CSMD3: variants seen among roughly 807,000 people sequenced by gnomAD.
CSMD3 encodes the protein CUB and Sushi multiple domains 3.
A neutral mutation model predicts 435.2 loss-of-function variants in CSMD3; 177 were observed. That is an observed-to-expected ratio of 0.41 (90% CI 0.36 to 0.46). The LOEUF is 0.46. Among genes scored for constraint, CSMD3 ranks in the 20% least tolerant of loss-of-function variants. The pLI is 0.34. For missense variants in CSMD3, 4,265 were observed against 4,504.6 expected, an observed-to-expected ratio of 0.95 and a Z score of 1.52; for synonymous variants, 1,656 against 1,520.5, an observed-to-expected ratio of 1.09 and a Z score of -2.07.
intron 5 of CSMD3, among the ~76,000 whole-genome samples, chr8:113,079,087 T>C (rs1191701940): frequency 1.3e-5 from 2 of 152,296 alleles, no homozygotes; most frequent in East Asian, 1.9e-4. Flanking sequence ...AAAAAATATA[T>C]TTGAATACAT....
intron 32 of CSMD3, among the ~76,000 whole-genome samples, chr8:112,430,584 GATTT>G (rs1309737521): frequency 2.6e-5 from 4 of 151,838 alleles, no homozygotes; most frequent in African/African-American, 9.7e-5. Flanking sequence ...TAGGATATGG[GATTT>G]ATTATATGAA....
chr8:112,831,321 T>C (rs1033607914), intron 11 of CSMD3, among the ~76,000 whole-genome samples: 2 of 115,212 alleles, frequency 1.7e-5, no homozygotes, highest in Non-Finnish European at 3.5e-5. Flanking sequence ...TCCCATTTTC[T>C]TTCTTTTTTT....
intron 13 of CSMD3, among the ~76,000 whole-genome samples, chr8:112,731,327 T>C (rs149549655): frequency 9.2e-4 from 140 of 152,238 alleles, no homozygotes; most frequent in African/African-American, 3.3e-3. Flanking sequence ...ACCATAGTAA[T>C]GACATCAAAT....
At chr8:113,356,537 G>C (rs184199524) in intron 1 of CSMD3, among the ~76,000 whole-genome samples, 3 of 152,076 alleles carry the variant, frequency 2.0e-5, no homozygotes, top group Admixed American at 6.6e-5. Context: ...GATTTCATGA[G>C]AGAAAGTAAG....
intron 6 of CSMD3, among the ~76,000 whole-genome samples, chr8:113,010,318 A>G (rs2086211015): frequency 6.6e-6 from 1 of 151,818 alleles, no homozygotes. Flanking sequence ...AAAGGGAAGG[A>G]GGAAGTGATA....
At chr8:113,343,670 C>T (rs966112531) in intron 1 of CSMD3, among the ~76,000 whole-genome samples, 2 of 152,124 alleles carry the variant, frequency 1.3e-5, no homozygotes, top group Admixed American at 6.6e-5. Flanking sequence ...TTATAGTCAA[C>T]ATTCTGATTC....
intron 2 of CSMD3, among the ~76,000 whole-genome samples, chr8:113,289,793 G>A (rs563236932): frequency 2.6e-5 from 4 of 151,624 alleles, no homozygotes; most frequent in Admixed American, 6.6e-5. Flanking sequence ...CAAAAAACAC[G>A]ATTCTACAAA....
At chr8:113,167,700 A>T (rs2092180772) in intron 4 of CSMD3, among the ~76,000 whole-genome samples, 1 of 152,220 alleles carries the variant, frequency 6.6e-6, no homozygotes. Context: ...TTGTGGATTG[A>T]CATCACTGCA....
intron 13 of CSMD3, among the ~76,000 whole-genome samples, chr8:112,716,001 T>C (rs1202113546): frequency 6.6e-6 from 1 of 152,200 alleles, no homozygotes; most frequent in African/African-American, 2.4e-5. Context: ...ATCATTCCCT[T>C]TGAAAACTGG....
chr8:112,235,225 CT>C (rs375369786), intron 67 of CSMD3, among the ~76,000 whole-genome samples: 192 of 151,924 alleles, frequency 1.3e-3, no homozygotes, highest in African/African-American at 4.2e-3. Context: ...ACAAAAAATA[CT>C]TTAAAAAATT....
chr8:112,352,415 C>T lies in CSMD3; in HGVS notation c.6255+1G>A, dbSNP rs1205073070. ...AAACCACAACTTTAAAATAGACTTA[C>T]CTGAAGAGAATATCCTTGATCACAC... On this transcript the variant is annotated splice_donor_variant, in intron 39 of 70. Transcript: ENST00000297405. LOFTEE classifies it high-confidence loss of function. 6.2e-6 allele frequency: 10 copies of T among 1,613,076 alleles called. No homozygotes were observed. The highest frequency in any genetic ancestry group is 8.5e-6 in the Non-Finnish European group (10 of 1,179,600).
intron 23 of CSMD3, among the ~76,000 whole-genome samples, chr8:112,582,555 T>C (rs1830408945): frequency 6.6e-6 from 1 of 151,996 alleles, no homozygotes; most frequent in Admixed American, 6.6e-5. Flanking sequence ...ATCATAGGGC[T>C]ATCTAAGCCA....
chr8:112,987,806 C>T (rs572948774), intron 6 of CSMD3, among the ~76,000 whole-genome samples: 54 of 152,020 alleles, frequency 3.6e-4, no homozygotes, highest in Middle Eastern at 3.2e-3. Flanking sequence ...TCCTGTAATT[C>T]CCTCGGCAGG....
chr8:113,364,092 T>C (rs1003595336), intron 1 of CSMD3, among the ~76,000 whole-genome samples: 1 of 152,178 alleles, frequency 6.6e-6, no homozygotes, highest in African/African-American at 2.4e-5. Flanking sequence ...GGATGTTCAA[T>C]TGTTTCAGCA....
intron 38 of CSMD3, among the ~76,000 whole-genome samples, chr8:112,354,606 C>A (rs1048210848): frequency 1.3e-5 from 2 of 152,006 alleles, no homozygotes; most frequent in African/African-American, 4.8e-5. Flanking sequence ...ACAATAACTG[C>A]AAAACAAATA....
At chr8:113,045,171 C>T (rs1028616591) in intron 5 of CSMD3, among the ~76,000 whole-genome samples, 2 of 148,858 alleles carry the variant, frequency 1.3e-5, no homozygotes, top group African/African-American at 4.9e-5. Context: ...AATGAAGGGG[C>T]TAAACAAAAC....
chr8:112,706,971 CT>C (rs1348101615), intron 13 of CSMD3, among the ~76,000 whole-genome samples: 2 of 152,054 alleles, frequency 1.3e-5, no homozygotes, highest in East Asian at 1.9e-4. Flanking sequence ...AACATTTTCT[CT>C]GAAGTACCTT....
At chr8:112,547,286 G>T (rs1827264103) in intron 27 of CSMD3, among the ~76,000 whole-genome samples, 2 of 151,890 alleles carry the variant, frequency 1.3e-5, no homozygotes. Context: ...CATTTTAAGA[G>T]ACAAAGGTAT....
intron 3 of CSMD3, among the ~76,000 whole-genome samples, chr8:113,269,634 A>T (rs1308632839): frequency 1.3e-5 from 2 of 152,120 alleles, no homozygotes; most frequent in Non-Finnish European, 2.9e-5. Flanking sequence ...GGAACAGAAC[A>T]GAGCCCTCAG....
Sources: gnomAD v4.1 joint callset for allele counts (sites outside exome capture counted in the v4.1 genomes callset) on GRCh38, gnomAD v4.1.1 for gene constraint, MANE v1.5 for transcripts, NCBI Gene and HGNC (gene_info 2026-07-23, HGNC 2026-07-21) for gene names.